The following ANKS1B variants were observed in gnomAD, a reference collection of about 807,000 sequenced individuals.
The protein encoded by ANKS1B is ankyrin repeat and sterile alpha motif domain-containing protein 1B.
Under a neutral mutation model 148.3 loss-of-function variants are expected in ANKS1B, and 36 were observed. The ratio of observed to expected loss-of-function variants is 0.24; its 90% CI spans 0.19 to 0.32. ANKS1B has a LOEUF of 0.32. Among genes scored for constraint, ANKS1B ranks in the 10% least tolerant of loss-of-function variants. The pLI is 1.00. For synonymous variants in ANKS1B, 542 were observed against 560.8 expected, an observed-to-expected ratio of 0.97 and a Z score of 0.47; for missense variants, 1,157 against 1,542.6, an observed-to-expected ratio of 0.75 and a Z score of 4.19.
chr12:99,747,194 C>T (rs753432307), intron 8 of ANKS1B, among the ~76,000 whole-genome samples: 2 of 152,032 alleles, frequency 1.3e-5, no homozygotes, highest in Non-Finnish European at 2.9e-5. Flanking sequence ...TTCAAACCTC[C>T]CCCTGCTAGG....
chr12:99,484,996 G>A (rs186046442), intron 10 of ANKS1B, among the ~76,000 whole-genome samples: 16 of 151,902 alleles, frequency 1.1e-4, no homozygotes, highest in Middle Eastern at 3.4e-3. Flanking sequence ...TACCTTTTAA[G>A]TGGAGCATTT....
At chr12:98,772,402 C>G (rs12099834) in intron 25 of ANKS1B, among the ~76,000 whole-genome samples, 2,628 of 152,228 alleles carry the variant, frequency 0.017, 75 homozygotes, top group African/African-American at 0.06. Flanking sequence ...AGTCAGTTCT[C>G]ACGCTGCTAA....
intron 17 of ANKS1B, among the ~76,000 whole-genome samples, chr12:99,002,811 C>T (rs1174546048): frequency 6.6e-6 from 1 of 151,956 alleles, no homozygotes; most frequent in African/African-American, 2.4e-5. Context: ...CTGTTGTTTC[C>T]TTTGCTCACA....
intron 12 of ANKS1B, among the ~76,000 whole-genome samples, chr12:99,349,484 A>G (rs754857579): frequency 2.6e-5 from 4 of 152,124 alleles, no homozygotes; most frequent in Non-Finnish European, 5.9e-5. Flanking sequence ...AAGGATAGAA[A>G]AAGATATTTC....
intron 10 of ANKS1B, among the ~76,000 whole-genome samples, chr12:99,452,020 C>A (rs2058729155): frequency 6.6e-6 from 1 of 152,034 alleles, no homozygotes; most frequent in African/African-American, 2.4e-5. Context: ...TCTAACAATT[C>A]ATGAAGCACA....
At chr12:99,192,008 T>C (rs572609246) in intron 14 of ANKS1B, among the ~76,000 whole-genome samples, 1 of 151,856 alleles carries the variant, frequency 6.6e-6, no homozygotes, top group African/African-American at 2.4e-5. Context: ...GGCAGGCAAC[T>C]GTAACCCCAG....
intron 17 of ANKS1B, among the ~76,000 whole-genome samples, chr12:98,968,889 T>G (rs571969723): frequency 1.3e-5 from 2 of 152,318 alleles, no homozygotes; most frequent in South Asian, 4.1e-4. Flanking sequence ...TTCCCTTTTA[T>G]TTCATGAAAG....
chr12:99,233,093 C>T (rs1566691792), intron 14 of ANKS1B, among the ~76,000 whole-genome samples: 1 of 151,990 alleles, frequency 6.6e-6, no homozygotes, highest in Non-Finnish European at 1.5e-5. Context: ...AAATTACATT[C>T]ATGCTTTGTA....
chr12:99,850,842 C>T (rs1488720), intron 1 of ANKS1B, among the ~76,000 whole-genome samples: 45,485 of 151,830 alleles, frequency 0.3, 7,384 homozygotes, highest in African/African-American at 0.42. Context: ...AAATATAAAT[C>T]CTAACTCAAG....
At chr12:99,572,185 T>C (rs981883668) in intron 9 of ANKS1B, among the ~76,000 whole-genome samples, 1 of 152,028 alleles carries the variant, frequency 6.6e-6, no homozygotes, top group African/African-American at 2.4e-5. Context: ...TATTCCAAGA[T>C]TAAGAATCAA....
intron 10 of ANKS1B, among the ~76,000 whole-genome samples, chr12:99,488,740 T>G (rs2096527048): frequency 6.6e-6 from 1 of 152,186 alleles, no homozygotes; most frequent in South Asian, 2.1e-4. Flanking sequence ...AAGTCCCACT[T>G]TCTATTTTGT....
At chr12:99,827,014 G>A (rs778097995) in intron 1 of ANKS1B, among the ~76,000 whole-genome samples, 149 of 152,006 alleles carry the variant, frequency 9.8e-4, no homozygotes, top group Non-Finnish European at 1.5e-3. Context: ...AGCTACCCAG[G>A]AGGCTGAGGT....
chr12:98,834,856 C>T (rs1225713947), intron 17 of ANKS1B, among the ~76,000 whole-genome samples: 1 of 152,140 alleles, frequency 6.6e-6, no homozygotes, highest in Non-Finnish European at 1.5e-5. Flanking sequence ...TCCTCCATCT[C>T]AGAAAAAATA....
rs527821102 is a variant in ANKS1B, at chr12:99,308,619, A to G, written c.1757-61755T>C. On this transcript the variant is annotated intron_variant, in intron 12 of 26. Coordinates refer to ENST00000683438, the MANE Select transcript of ANKS1B (RefSeq NM_001352186.2). Reference sequence around the variant, plus strand: ...TAATTTTGGCTCCTTGTTTTTCCTCATTAATTTTAGAATATGCTTGTTAAG... The same window carrying G: ...TAATTTTGGCTCCTTGTTTTTCCTCGTTAATTTTAGAATATGCTTGTTAAG... 1.5e-4 allele frequency among the ~76,000 whole-genome samples: 23 copies of G among 151,878 alleles called. No homozygotes were observed. The East Asian group carries it at 3.7e-3, about 24-fold the overall frequency.
intron 14 of ANKS1B, among the ~76,000 whole-genome samples, chr12:99,196,945 G>A (rs1157440578): frequency 6.6e-6 from 1 of 152,104 alleles, no homozygotes; most frequent in Non-Finnish European, 1.5e-5. Context: ...TGAGAGGGCA[G>A]GGCCACAGAT....
chr12:99,050,690 C>CT (rs62812561), intron 17 of ANKS1B, among the ~76,000 whole-genome samples: 68,184 of 113,610 alleles, frequency 0.6, 21,521 homozygotes, highest in East Asian at 0.79. Flanking sequence ...TTTTCTTTTT[C>CT]TTTTTTTTTT....
intron 1 of ANKS1B, among the ~76,000 whole-genome samples, chr12:99,917,981 T>G (rs868585865): frequency 1.9e-4 from 29 of 152,220 alleles, no homozygotes; most frequent in Admixed American, 7.9e-4. Flanking sequence ...AACTCTACTG[T>G]GAACTATGCA....
chr12:99,721,804 T>G (rs2058116325), intron 8 of ANKS1B, among the ~76,000 whole-genome samples: 1 of 152,174 alleles, frequency 6.6e-6, no homozygotes, highest in Non-Finnish European at 1.5e-5. Context: ...TGCCAAACAG[T>G]TAGTAAATGC....
intron 9 of ANKS1B, among the ~76,000 whole-genome samples, chr12:99,597,417 T>TTA (rs2097767518): frequency 6.6e-6 from 1 of 151,990 alleles, no homozygotes; most frequent in Non-Finnish European, 1.5e-5. Flanking sequence ...AAGCCCAACA[T>TTA]TATATACAAG....
Sources: gnomAD v4.1 joint callset for allele counts (sites outside exome capture counted in the v4.1 genomes callset) on GRCh38, gnomAD v4.1.1 for gene constraint, MANE v1.5 for transcripts, NCBI Gene and HGNC (gene_info 2026-07-23, HGNC 2026-07-21) for gene names.